PLAC1: variants seen among roughly 807,000 people sequenced by gnomAD.
The protein encoded by PLAC1 is placenta-specific protein 1.
For missense variants in PLAC1, 136 were observed against 163.2 expected (o/e 0.83, Z 0.91); for synonymous variants, 68 against 62.1 (o/e 1.09, Z -0.44).
At chrX:134,665,170 C>A (rs1388463096) in intron 2 of PLAC1, among the ~76,000 whole-genome samples, 1 of 109,994 alleles carries the variant, frequency 9.1e-6, no homozygotes, top group Non-Finnish European at 1.9e-5. Flanking sequence ...TAACCAGAAT[C>A]TAGATCAAGA....
intron 1 of PLAC1, among the ~76,000 whole-genome samples, chrX:134,751,955 C>T (rs141946069): frequency 0.044 from 4,926 of 112,018 alleles, 255 homozygotes; most frequent in African/African-American, 0.15. Context: ...TGCAAGGAAA[C>T]CTGCTTTCCA....
At chrX:134,581,519 C>T (rs961952595) in intron 2 of PLAC1, among the ~76,000 whole-genome samples, 1 of 87,712 alleles carries the variant, frequency 1.1e-5, no homozygotes, top group Non-Finnish European at 2.1e-5. Flanking sequence ...CACTCTGTCA[C>T]CCAGGCTGGA....
At chrX:134,692,117 A>G (rs1485348983) in intron 2 of PLAC1, among the ~76,000 whole-genome samples, 1 of 112,013 alleles carries the variant, frequency 8.9e-6, no homozygotes, top group Non-Finnish European at 1.9e-5. Context: ...GGTGACAGGC[A>G]TGGAGTTGTG....
At chrX:134,743,883 G>C (rs1470493250) in intron 1 of PLAC1, among the ~76,000 whole-genome samples, 1 of 112,482 alleles carries the variant, frequency 8.9e-6, no homozygotes, top group Non-Finnish European at 1.9e-5. Context: ...AAAGTTTTTG[G>C]TAACCGAACG....
chrX:134,590,155 A>G (rs2078030389), intron 2 of PLAC1, among the ~76,000 whole-genome samples: 1 of 110,970 alleles, frequency 9.0e-6, no homozygotes, highest in African/African-American at 3.3e-5. Context: ...AGATCACGCC[A>G]CTGCACTCCA....
intron 2 of PLAC1, among the ~76,000 whole-genome samples, chrX:134,725,989 T>A (rs888702404): frequency 1.8e-5 from 2 of 111,453 alleles, no homozygotes; most frequent in Non-Finnish European, 3.8e-5. Flanking sequence ...AGAGTGAGAC[T>A]GTCTCAAAAA....
chrX:134,597,457 A>C (rs1399618190), intron 2 of PLAC1, among the ~76,000 whole-genome samples: 2 of 112,288 alleles, frequency 1.8e-5, no homozygotes, highest in African/African-American at 6.5e-5. Context: ...AGATAATTCT[A>C]TCTCATCATC....
intron 2 of PLAC1, among the ~76,000 whole-genome samples, chrX:134,567,925 T>A: frequency 8.9e-6 from 1 of 111,758 alleles, no homozygotes; most frequent in Admixed American, 9.5e-5. Flanking sequence ...TTTCTCTAGC[T>A]TTTTATTGTT....
chrX:134,684,813 T>C (rs1019357811), intron 2 of PLAC1, among the ~76,000 whole-genome samples: 3 of 112,084 alleles, frequency 2.7e-5, no homozygotes, highest in African/African-American at 9.7e-5. Context: ...AATTAGAGCC[T>C]TATTGGACAG....
At chrX:134,589,917 C>T (rs755083811) in intron 2 of PLAC1, among the ~76,000 whole-genome samples, 40 of 111,118 alleles carry the variant, frequency 3.6e-4, no homozygotes, top group African/African-American at 1.0e-3. Context: ...ACAAATGGGC[C>T]GGGCGCGGTG....
Position 134,566,431 on chromosome X carries a change from G to A in PLAC1, c.252C>T (p.Ala84=). 8.3e-7 allele frequency: 1 copy of A among 1,211,800 alleles called. No individual in the cohort carries two copies. The part of the protein sequence containing the change: ...TYRVTECGIR[A]KAVSQDMVIY... Reference sequence around the variant, plus strand: ...TAACCATGTCCTGAGAGACAGCTTTGGCCCTGATGCCACATTCAGTAACAC... The same window carrying A: ...TAACCATGTCCTGAGAGACAGCTTTAGCCCTGATGCCACATTCAGTAACAC... The change falls in exon 3 of 3, where the codon GCC becomes GCT. Residue 84 remains alanine (A), a synonymous_variant. Transcript: ENST00000359237.
intron 1 of PLAC1, among the ~76,000 whole-genome samples, chrX:134,613,086 G>A (rs2078162047): frequency 9.0e-6 from 1 of 110,780 alleles, no homozygotes; most frequent in Non-Finnish European, 1.9e-5. Context: ...TCGGGAGGCT[G>A]AGTTGGGAGG....
rs188798909 is a variant in PLAC1, at chrX:134,743,045, C to T, written n.90-9526G>A. 5.1e-3 allele frequency among the ~76,000 whole-genome samples: 574 copies of T among 112,130 alleles called. 1 individual carries two copies. Among genetic ancestry groups the T allele is most frequent in the Middle Eastern group, 0.014 (3 of 217 alleles). ...CACTCTAGGATGGCCACAACAGTGA[C>T]TTCTTCAGCAAGAAGAAAAACCATG... On this transcript the variant is annotated intron_variant and non_coding_transcript_variant, in intron 1 of 2. Transcript: ENST00000466797.
chrX:134,683,586 G>C (rs1465860253), intron 2 of PLAC1, among the ~76,000 whole-genome samples: 3 of 111,917 alleles, frequency 2.7e-5, no homozygotes, highest in Non-Finnish European at 1.9e-5. Flanking sequence ...ATTCGGCCCA[G>C]ATTGAAAACA....
At chrX:134,640,765 C>T (rs1488712017) in intron 1 of PLAC1, among the ~76,000 whole-genome samples, 1 of 112,265 alleles carries the variant, frequency 8.9e-6, no homozygotes, top group Non-Finnish European at 1.9e-5. Flanking sequence ...ATCCCTAGAG[C>T]CCAGCACAGT....
intron 2 of PLAC1, among the ~76,000 whole-genome samples, chrX:134,581,966 A>T (rs1237078618): frequency 3.6e-5 from 4 of 111,995 alleles, no homozygotes; most frequent in African/African-American, 3.2e-5. Context: ...AAACCCAGGG[A>T]TTAGCATTTT....
At chrX:134,610,130 A>T (rs1423610032) in intron 1 of PLAC1, among the ~76,000 whole-genome samples, 1 of 111,039 alleles carries the variant, frequency 9.0e-6, no homozygotes, top group Non-Finnish European at 1.9e-5. Context: ...GGCGTGCGCC[A>T]CCACACCCGG....
chrX:134,610,049 C>G (rs1183702318), intron 1 of PLAC1, among the ~76,000 whole-genome samples: 1 of 111,210 alleles, frequency 9.0e-6, no homozygotes, highest in Non-Finnish European at 1.9e-5. Flanking sequence ...GCAATCTCAG[C>G]TCACTGCAAC....
In PLAC1 at chrX:134,665,211, C is replaced by T. The variant is rs759912610; in HGVS notation, n.175-63089G>A. ...AACATTTCCAGCTTCTTAGAAGGTTCCCTCATGCCCCTGGTCATTATCCCC... is the reference window on the plus strand; with the variant it reads ...AACATTTCCAGCTTCTTAGAAGGTTTCCTCATGCCCCTGGTCATTATCCCC... On this transcript the variant is annotated intron_variant and non_coding_transcript_variant, in intron 2 of 2. Transcript: ENST00000466797. Among the ~76,000 whole-genome samples the T allele has an allele frequency of 2.7e-5, 3 of 110,983 alleles. No individual in the cohort carries two copies. In the Admixed American group the frequency reaches 2.9e-4, roughly 11 times the overall value.
Sources: gnomAD v4.1 joint callset for allele counts (sites outside exome capture counted in the v4.1 genomes callset) on GRCh38, gnomAD v4.1.1 for gene constraint, MANE v1.5 for transcripts, NCBI Gene and HGNC (gene_info 2026-07-23, HGNC 2026-07-21) for gene names.